FAM200A: variants seen among roughly 807,000 people sequenced by gnomAD.
The protein encoded by FAM200A is protein FAM200A.
In FAM200A, 26 loss-of-function variants were observed where a neutral mutation model predicts 44.2. The ratio of observed to expected loss-of-function variants is 0.59; its 90% CI spans 0.43 to 0.82. FAM200A has a LOEUF of 0.82. FAM200A is among the 40% of genes least tolerant of loss of function. The pLI, the probability that FAM200A is intolerant of heterozygous loss-of-function variation, is 0.00. For synonymous variants in FAM200A, 206 were observed against 244.4 expected (o/e 0.84, Z 1.47); for missense variants, 606 against 669.5 (o/e 0.91, Z 1.05).
At chr7:99,554,478 C>CAAA (rs397889799), upstream of FAM200A, among the ~76,000 whole-genome samples, 48 of 51,988 alleles carry the variant, frequency 9.2e-4, no homozygotes, top group African/African-American at 1.9e-3. Flanking sequence ...GACTCCGTCT[C>CAAA]AAAAAAAAAA....
At chr7:99,554,581 T>C (rs564769084), upstream of FAM200A, among the ~76,000 whole-genome samples, 398 of 152,042 alleles carry the variant, frequency 2.6e-3, 1 homozygote, top group Middle Eastern at 0.01. Context: ...CATAAGCCTA[T>C]TGCATAAACA....
chr7:99,555,467 A>G (rs974387313), upstream of FAM200A, among the ~76,000 whole-genome samples: 3 of 152,202 alleles, frequency 2.0e-5, no homozygotes, highest in African/African-American at 7.2e-5. Flanking sequence ...TAGGAGCCCT[A>G]GCACACGAAT....
upstream of FAM200A, among the ~76,000 whole-genome samples, chr7:99,555,916 A>T (rs1265804624): frequency 1.3e-5 from 2 of 152,170 alleles, no homozygotes; most frequent in African/African-American, 4.8e-5. Flanking sequence ...AAGAAAAAAA[A>T]ATAGTAATAA....
At chr7:99,552,226 TG>T (rs1462502481), upstream of FAM200A, 2 of 965,556 alleles carry the variant, frequency 2.1e-6, no homozygotes, top group Middle Eastern at 5.3e-4. Context: ...ATCTCGGGTT[TG>T]GGGATCTTGC....
rs1372492456 is a variant in FAM200A, at chr7:99,548,245, T to C, written c.163A>G (p.Thr55Ala). The C allele has an allele frequency of 6.2e-7, 1 of 1,611,560 alleles. No homozygotes were observed. Among genetic ancestry groups the C allele is most frequent in the Non-Finnish European group, 8.5e-7 (1 of 1,178,804 alleles). Residue 55 changes from threonine to alanine, a missense_variant, in exon 2 of 2, where the codon ACT becomes GCT. Thr to Ala is a moderately conservative substitution (Grantham distance 58, BLOSUM62 0). Transcript: ENST00000449309. ...GACAATAAGGCTCTCTCATTCATAG[T>C]TGTAGAGCGACTGAGAACTTGTGGC... ...SSPQVLSRST[T>A]MNERALLSSY... is the part of the protein sequence containing the mutation.
intron 1 of FAM200A, among the ~76,000 whole-genome samples, chr7:99,548,735 A>C (rs1802449295): frequency 6.6e-6 from 1 of 152,008 alleles, no homozygotes; most frequent in East Asian, 1.9e-4. Context: ...CTTATATTAC[A>C]GATGAAAAAT....
upstream of FAM200A, among the ~76,000 whole-genome samples, chr7:99,554,818 C>T (rs1157817890): frequency 1.3e-5 from 2 of 152,204 alleles, no homozygotes; most frequent in Non-Finnish European, 2.9e-5. Flanking sequence ...CTGACCCAAT[C>T]CCCAATCTGT....
chr7:99,550,997 C>G (rs2151130442), intron 1 of FAM200A, among the ~76,000 whole-genome samples: 1 of 152,078 alleles, frequency 6.6e-6, no homozygotes, highest in East Asian at 2.0e-4. Context: ...GAAGCTTGAA[C>G]TCGGGCGCTG....
In FAM200A at chr7:99,547,663, C is replaced by G. The variant is rs1420248279; in HGVS notation, c.745G>C (p.Val249Leu). Residue 249 changes from valine to leucine, a missense_variant, in exon 2 of 2, where the codon GTA becomes CTA. Physicochemically the swap from Val to Leu is conservative, Grantham distance 32 (BLOSUM62 1). Coordinates refer to ENST00000449309, the MANE Select transcript of FAM200A (RefSeq NM_145111.4). ...NHCFIHREAL[V>L]SKEISPSLMD... Reference sequence around the variant, plus strand: ...AGACTTGGTGAAATTTCTTTGGATACCAAAGCTTCTCGATGAATAAAACAG... The same window carrying G: ...AGACTTGGTGAAATTTCTTTGGATAGCAAAGCTTCTCGATGAATAAAACAG... The G allele has an allele frequency of 1.9e-6, 3 of 1,551,140 alleles. No individual in the cohort carries two copies. In the Admixed American group the frequency reaches 5.9e-5, roughly 30 times the overall value.
At chr7:99,556,371 T>C (rs1206029221), upstream of FAM200A, among the ~76,000 whole-genome samples, 1 of 152,226 alleles carries the variant, frequency 6.6e-6, no homozygotes, top group Non-Finnish European at 1.5e-5. Context: ...CTGCCGAGTC[T>C]GCACAATTGG....
At chr7:99,553,097 ATAT>A (rs1360324463), upstream of FAM200A, among the ~76,000 whole-genome samples, 29 of 78,142 alleles carry the variant, frequency 3.7e-4, no homozygotes, top group African/African-American at 2.2e-3. Flanking sequence ...ATATATATAT[ATAT>A]TTTTTTTTTT....
chr7:99,552,020 G>A lies in FAM200A; in HGVS notation c.-266C>T, dbSNP rs1479849035. 3 of 985,490 alleles carry A rather than the reference G, an allele frequency of 3.0e-6. No homozygotes were observed. The highest frequency in any genetic ancestry group is 9.4e-5 in the South Asian group (2 of 21,294). 61.0% of individuals were successfully genotyped at this position (985,490 alleles called of 1,614,324 possible). A position where few individuals can be genotyped will look rare whatever the true frequency, so the allele number is the denominator to read the frequency against. The stretch of plus-strand genomic sequence containing the variant: ...CTCTGTCCCCGCCCGGAGAAGTCTG[G>A]GATGCTGGGATAGAAGGGGTTGTGA... On this transcript the variant is annotated 5_prime_UTR_variant, in exon 1 of 2. Transcript: ENST00000449309.
chr7:99,553,097 A>ATTTT (rs1433320975), upstream of FAM200A, among the ~76,000 whole-genome samples: 5 of 78,188 alleles, frequency 6.4e-5, no homozygotes, highest in East Asian at 3.7e-4. Flanking sequence ...ATATATATAT[A>ATTTT]TATTTTTTTT....
upstream of FAM200A, among the ~76,000 whole-genome samples, chr7:99,553,042 TACACACAC>T (rs1389470524): frequency 2.3e-5 from 3 of 130,290 alleles, no homozygotes; most frequent in African/African-American, 9.3e-5. Context: ...TATATATATA[TACACACAC>T]ATATATATAT....
chr7:99,554,095 G>A (rs1484249555), upstream of FAM200A, among the ~76,000 whole-genome samples: 1 of 152,148 alleles, frequency 6.6e-6, no homozygotes, highest in Non-Finnish European at 1.5e-5. Flanking sequence ...CAACCTGGTG[G>A]TAGCTGGTAT....
At position 99,547,809 on chromosome 7, in the gene FAM200A, T is replaced by G. The variant is rs1023801029; in HGVS notation, c.599A>C (p.Lys200Thr). ...TCCTTTACAATGTTTCCAGTTTAAT[T>G]TATACTGACCAAGAAGGCAGTTTTC... The part of the protein sequence containing the change: ...ELENCLLGQY[K>T]LNWKHCKGIS... Residue 200 changes from lysine (K) to threonine (T), a missense_variant, in exon 2 of 2, where the codon AAA (lysine) becomes ACA (threonine). Physicochemically the swap from Lys to Thr is moderately conservative, Grantham distance 78 (BLOSUM62 -1). Coordinates refer to ENST00000449309, the MANE Select transcript of FAM200A (RefSeq NM_145111.4). The G allele has an allele frequency of 1.3e-6, 2 of 1,551,514 alleles. No homozygotes were observed. Among genetic ancestry groups the G allele is most frequent in the African/African-American group, 2.7e-5 (2 of 73,060 alleles).
chr7:99,547,257 A>G lies in FAM200A; in HGVS notation c.1151T>C (p.Leu384Ser), dbSNP rs1395095053. The G allele has an allele frequency of 1.0e-5, 16 of 1,551,284 alleles. No homozygotes were observed. Among genetic ancestry groups the G allele is most frequent in the Non-Finnish European group, 8.7e-7 (1 of 1,146,924 alleles). The change falls in exon 2 of 2, where the codon TTG becomes TCG. Residue 384 changes from leucine to serine, a missense_variant. Transcript: ENST00000449309. ...GTTACTTTTAAGTCTTGCTTGCCAC[A>G]ATAATAACGTCTTTTGGAATCCTAG... ...HILGFQKTLL[L>S]WQARLKSNRP...
chr7:99,549,177 T>TTTTTTTTTTTTTTTTTTTTTTTGGG (rs1554394154), intron 1 of FAM200A, among the ~76,000 whole-genome samples: 1 of 147,612 alleles, frequency 6.8e-6, no homozygotes, highest in Admixed American at 6.9e-5. Context: ...TTGTATTTCT[T>TTTTTTTTTTTTTTTTTTTTTTTGGG]AAAAATAAGA....
chr7:99,548,615 G>T, intron 1 of FAM200A, 109 bp from the exon 2 acceptor site: 1 of 919,266 alleles, frequency 1.1e-6, no homozygotes, highest in South Asian at 1.9e-5. Context: ...CATGGTAAAT[G>T]ATGAGCAACT....
Sources: gnomAD v4.1 joint callset for allele counts (sites outside exome capture counted in the v4.1 genomes callset) on GRCh38, gnomAD v4.1.1 for gene constraint, MANE v1.5 for transcripts, NCBI Gene and HGNC (gene_info 2026-07-23, HGNC 2026-07-21) for gene names.